The following STPG2 variants were observed in gnomAD, a reference collection of about 807,000 sequenced individuals.
The protein encoded by STPG2 is sperm-tail PG-rich repeat-containing protein 2.
Under a neutral mutation model 54.2 loss-of-function variants are expected in STPG2, and 56 were observed. That is an observed-to-expected ratio of 1.03 (90% CI 0.83 to 1.29). The LOEUF (loss-of-function observed/expected upper bound fraction) is 1.29. Among genes scored for constraint, STPG2 ranks in the 50% most tolerant of loss-of-function variants. STPG2 has a pLI of 0.00. For synonymous variants in STPG2, 200 were observed against 181.8 expected (o/e 1.10, Z -0.81); for missense variants, 596 against 544.9 (o/e 1.09, Z -0.93).
intron 10 of STPG2, among the ~76,000 whole-genome samples, chr4:97,561,712 G>A (rs531243569): frequency 0.028 from 4,223 of 152,232 alleles, 172 homozygotes; most frequent in African/African-American, 0.097. Context: ...TTTCCCCATT[G>A]CTTGTTTTTC....
chr4:97,925,977 C>G (rs1001798703), intron 8 of STPG2, among the ~76,000 whole-genome samples: 1 of 152,098 alleles, frequency 6.6e-6, no homozygotes. Context: ...TCCATGATAC[C>G]TTAGTGTTCC....
chr4:97,647,866 G>T (rs564279097), intron 10 of STPG2, among the ~76,000 whole-genome samples: 1 of 152,246 alleles, frequency 6.6e-6, no homozygotes, highest in African/African-American at 2.4e-5. Context: ...CCAGCAGGCT[G>T]GCAGGGGCCA....
chr4:98,083,455 C>T (rs1738411932), intron 5 of STPG2, among the ~76,000 whole-genome samples: 1 of 151,970 alleles, frequency 6.6e-6, no homozygotes, highest in African/African-American at 2.4e-5. Context: ...TATGAAAACA[C>T]TATTATAATG....
chr4:97,995,894 C>A (rs1363466720), intron 5 of STPG2, among the ~76,000 whole-genome samples: 1 of 152,058 alleles, frequency 6.6e-6, no homozygotes, highest in Non-Finnish European at 1.5e-5. Flanking sequence ...AGATTTCTTT[C>A]TCTACAATGA....
intron 10 of STPG2, among the ~76,000 whole-genome samples, chr4:97,668,558 G>T (rs1722594222): frequency 6.7e-6 from 1 of 148,766 alleles, no homozygotes; most frequent in African/African-American, 2.5e-5. Flanking sequence ...ATGAATTCAA[G>T]AATAGCTGTA....
intron 10 of STPG2, among the ~76,000 whole-genome samples, chr4:97,650,342 A>G (rs1722030308): frequency 6.6e-6 from 1 of 152,104 alleles, no homozygotes; most frequent in Non-Finnish European, 1.5e-5. Flanking sequence ...ATTTGAAGAG[A>G]TTTATTCTGA....
At chr4:97,620,025 C>T (rs768399216) in intron 10 of STPG2, among the ~76,000 whole-genome samples, 5 of 151,902 alleles carry the variant, frequency 3.3e-5, no homozygotes, top group Non-Finnish European at 5.9e-5. Context: ...GGGGTTTCAC[C>T]GTGTAAGCCA....
At chr4:97,737,768 C>A (rs1725063643) in intron 9 of STPG2, among the ~76,000 whole-genome samples, 1 of 152,152 alleles carries the variant, frequency 6.6e-6, no homozygotes, top group Non-Finnish European at 1.5e-5. Context: ...GAGAATGGAA[C>A]CAAGCTGGAA....
chr4:97,578,089 CCTTT>C (rs1353624018), intron 10 of STPG2, among the ~76,000 whole-genome samples: 3 of 142,856 alleles, frequency 2.1e-5, no homozygotes, highest in South Asian at 2.2e-4. Context: ...AATAATTTAT[CCTTT>C]CTTTCTTTCT....
At chr4:97,823,523 G>A (rs776023344) in intron 9 of STPG2, among the ~76,000 whole-genome samples, 4 of 152,148 alleles carry the variant, frequency 2.6e-5, no homozygotes, top group Admixed American at 2.6e-4. Flanking sequence ...ATTGACAGCT[G>A]TTCTGCCTAT....
intron 5 of STPG2, among the ~76,000 whole-genome samples, chr4:98,055,508 T>C (rs1367484260): frequency 6.6e-6 from 1 of 152,138 alleles, no homozygotes; most frequent in African/African-American, 2.4e-5. Flanking sequence ...TGAGTTAAAC[T>C]GGCAAGGAGC....
chr4:97,655,979 A>C (rs987430867), intron 10 of STPG2, among the ~76,000 whole-genome samples: 6 of 152,146 alleles, frequency 3.9e-5, no homozygotes, highest in Non-Finnish European at 8.8e-5. Context: ...TAATCACAAG[A>C]GCTACATAAA....
chr4:97,814,486 A>G (rs924575834), intron 9 of STPG2, among the ~76,000 whole-genome samples: 20 of 152,082 alleles, frequency 1.3e-4, no homozygotes, highest in Admixed American at 1.1e-3. Flanking sequence ...ATGCCACCAC[A>G]CCTGGGTAAT....
chr4:97,684,714 AAAC>A lies in STPG2; in HGVS notation c.1320+27982_1320+27984del, dbSNP rs149472604. ...CAATGAATATTAGATACAACACTAAAAACAACACATATAAGCAAAAATTTGATA... is the reference window on the plus strand; with the variant it reads ...CAATGAATATTAGATACAACACTAAAAACACATATAAGCAAAAATTTGATA... On this transcript the variant is annotated intron_variant, in intron 10 of 10. Transcript: ENST00000295268. Among the ~76,000 whole-genome samples, 1,178 of 152,076 alleles carry A rather than the reference AAAC, an allele frequency of 7.7e-3. 14 individuals carry two copies. The highest frequency in any genetic ancestry group is 0.027 in the African/African-American group (1,117 of 41,556).
intron 8 of STPG2, among the ~76,000 whole-genome samples, chr4:97,900,583 C>G (rs1306152635): frequency 2.6e-5 from 4 of 151,772 alleles, no homozygotes; most frequent in Non-Finnish European, 4.4e-5. Context: ...AATGAAATAC[C>G]ATGCTGCCAT....
rs532554201 is a variant in STPG2 at position 97,832,845 on chromosome 4, T to C, written c.1204+7928A>G. 6.6e-5 allele frequency among the ~76,000 whole-genome samples: 10 copies of C among 152,146 alleles called. No individual in the cohort carries two copies. In the South Asian group the frequency reaches 2.1e-3, roughly 32 times the overall value. On this transcript the variant is annotated intron_variant, in intron 9 of 10. Transcript: ENST00000295268. ...TTCAAGGAGTACTACAAACCACTGC[T>C]CAAGGAAATAAGAGAGGACACAAAT...
intron 9 of STPG2, among the ~76,000 whole-genome samples, chr4:97,770,722 G>A (rs1013864487): frequency 4.6e-5 from 7 of 152,268 alleles, no homozygotes; most frequent in African/African-American, 1.7e-4. Flanking sequence ...CACAGCACTT[G>A]CTGATGAACT....
At chr4:97,963,922 G>A (rs1338476670) in intron 7 of STPG2, among the ~76,000 whole-genome samples, 1 of 151,990 alleles carries the variant, frequency 6.6e-6, no homozygotes, top group East Asian at 1.9e-4. Context: ...TAAATTTAAT[G>A]AAAAATAAAT....
chr4:97,938,815 G>A (rs915322792), intron 8 of STPG2, among the ~76,000 whole-genome samples: 1 of 151,966 alleles, frequency 6.6e-6, no homozygotes, highest in South Asian at 2.1e-4. Flanking sequence ...AGAGAACCTG[G>A]ATACCTTGGT....
Sources: allele counts gnomAD v4.1 joint callset (sites outside exome capture counted in the v4.1 genomes callset), GRCh38; gene constraint gnomAD v4.1.1; transcripts MANE v1.5; gene names NCBI Gene and HGNC (gene_info 2026-07-23, HGNC 2026-07-21).